The following FAM171A1 variants were observed in gnomAD, a reference collection of about 807,000 sequenced individuals.
FAM171A1 encodes the protein family with sequence similarity 171 member A1.
In FAM171A1, 23 loss-of-function variants were observed where a neutral mutation model predicts 74.9. That is an observed-to-expected ratio of 0.31 (90% CI 0.22 to 0.44). The LOEUF (loss-of-function observed/expected upper bound fraction) is 0.44. Ranked by LOEUF, FAM171A1 falls within the 20% of genes least tolerant of loss-of-function variation. FAM171A1 has a pLI of 1.00. For missense variants in FAM171A1, 1,162 were observed against 1,159.2 expected (o/e 1.00, Z -0.03); for synonymous variants, 527 against 505.7 (o/e 1.04, Z -0.57).
rs149493802 is a variant in FAM171A1, at chr10:15,332,400, T to C, written c.97+38556A>G. On this transcript the variant is annotated intron_variant, in intron 1 of 7. Transcript: ENST00000378116. ...TTGAGAAATGCCCAATGGTTCTGTT[T>C]TATTTTTTTAAGCCAGTGACTTTCT... Among the ~76,000 whole-genome samples, 561 of 152,314 alleles carry C rather than the reference T, an allele frequency of 3.7e-3. 1 individual carries two copies. Among genetic ancestry groups the C allele is most frequent in the African/African-American group, 0.013 (536 of 41,552 alleles).
At chr10:15,277,425 T>C (rs1301333014) in intron 2 of FAM171A1, among the ~76,000 whole-genome samples, 1 of 152,214 alleles carries the variant, frequency 6.6e-6, no homozygotes, top group African/African-American at 2.4e-5. Flanking sequence ...GGTTTCACCA[T>C]GTTGGCCAGG....
intron 5 of FAM171A1, among the ~76,000 whole-genome samples, chr10:15,235,139 G>A (rs549641870): frequency 2.0e-5 from 3 of 151,872 alleles, no homozygotes; most frequent in Non-Finnish European, 4.4e-5. Flanking sequence ...GCCAAACCTC[G>A]TCTCTACTAA....
At chr10:15,278,178 C>T (rs1328802441) in intron 2 of FAM171A1, among the ~76,000 whole-genome samples, 3 of 151,634 alleles carry the variant, frequency 2.0e-5, no homozygotes, top group Admixed American at 6.6e-5. Flanking sequence ...CTCAGATCTA[C>T]ACCCTGGGTG....
Position 15,212,580 on chromosome 10 carries a change from CGAGG to C in FAM171A1, c.*331_*334del, listed in dbSNP as rs1833903561. On this transcript the variant is annotated 3_prime_UTR_variant, in exon 8 of 8. Coordinates refer to ENST00000378116, the MANE Select transcript of FAM171A1 (RefSeq NM_001010924.2). ...AAAAGTTTCATCTGTTCCCAGAATC[CGAGG>C]GAGAACTGAGGTGATCGTTAGAGCA... 6.8e-6 allele frequency: 2 copies of C among 293,522 alleles called. No individual in the cohort carries two copies. The highest frequency in any genetic ancestry group is 1.1e-4 in the South Asian group (2 of 18,918). 18.2% of individuals were successfully genotyped at this position (293,522 alleles called of 1,614,324 possible).
chr10:15,311,971 T>G (rs1835364796), intron 1 of FAM171A1, among the ~76,000 whole-genome samples: 1 of 152,192 alleles, frequency 6.6e-6, no homozygotes, highest in Non-Finnish European at 1.5e-5. Context: ...TATTTACTGT[T>G]ACAGTGAGGT....
chr10:15,322,976 C>T (rs1390053952), intron 1 of FAM171A1, among the ~76,000 whole-genome samples: 2 of 151,678 alleles, frequency 1.3e-5, no homozygotes, highest in Non-Finnish European at 2.9e-5. Context: ...CCTGTCTCTA[C>T]TAAATATACA....
chr10:15,355,831 C>T (rs1221105433), intron 1 of FAM171A1, among the ~76,000 whole-genome samples: 2 of 152,090 alleles, frequency 1.3e-5, no homozygotes, highest in Non-Finnish European at 2.9e-5. Flanking sequence ...ACTCCAAAAG[C>T]GTTTTTACTT....
chr10:15,363,872 C>A (rs181785288), intron 1 of FAM171A1, among the ~76,000 whole-genome samples: 26 of 152,302 alleles, frequency 1.7e-4, no homozygotes, highest in African/African-American at 5.3e-4. Context: ...CAAGGCTTGT[C>A]GAGGTGTTTC....
intron 3 of FAM171A1, among the ~76,000 whole-genome samples, chr10:15,263,771 C>CTATCTATCTATT (rs1834696552): frequency 6.6e-6 from 1 of 151,802 alleles, no homozygotes; most frequent in Non-Finnish European, 1.5e-5. Flanking sequence ...ATCTATCTAT[C>CTATCTATCTATT]TATCTATCTA....
At position 15,248,824 on chromosome 10, in the gene FAM171A1, A is replaced by C. The variant is rs962681091; in HGVS notation, c.578-9T>G. ...ATGCCTGGTGCTGTTTCCTAGAAGG[A>C]AGAGGCATTTTCCATCATTTGCATG... On this transcript the variant is annotated splice_polypyrimidine_tract_variant and intron_variant, in intron 4 of 7. Coordinates refer to ENST00000378116, the MANE Select transcript of FAM171A1 (RefSeq NM_001010924.2). 3 of 1,596,236 alleles carry C rather than the reference A, an allele frequency of 1.9e-6. No homozygotes were observed. The African/African-American group carries it at 4.0e-5, about 21-fold the overall frequency.
chr10:15,308,834 T>C (rs979539366), intron 1 of FAM171A1, among the ~76,000 whole-genome samples: 2 of 151,972 alleles, frequency 1.3e-5, no homozygotes, highest in Non-Finnish European at 2.9e-5. Flanking sequence ...CCCAACTAAT[T>C]TTTGCATTTT....
chr10:15,338,537 A>G (rs1388630466), intron 1 of FAM171A1, among the ~76,000 whole-genome samples: 3 of 152,198 alleles, frequency 2.0e-5, no homozygotes, highest in Non-Finnish European at 2.9e-5. Flanking sequence ...TTTTATATCA[A>G]TTTTACCTGA....
At chr10:15,260,578 T>C (rs1456229395) in intron 3 of FAM171A1, among the ~76,000 whole-genome samples, 2 of 152,214 alleles carry the variant, frequency 1.3e-5, no homozygotes, top group East Asian at 3.8e-4. Context: ...CTGAAGCTCC[T>C]TAAACCAGGC....
intron 1 of FAM171A1, among the ~76,000 whole-genome samples, chr10:15,320,334 C>A (rs949360777): frequency 1.3e-5 from 2 of 152,204 alleles, no homozygotes; most frequent in Non-Finnish European, 2.9e-5. Flanking sequence ...TATTCCATGG[C>A]ATATATGTAC....
At chr10:15,316,118 T>C (rs145321319) in intron 1 of FAM171A1, among the ~76,000 whole-genome samples, 10 of 152,348 alleles carry the variant, frequency 6.6e-5, no homozygotes, top group African/African-American at 2.4e-4. Context: ...TACCCTTTCA[T>C]CTTACAGATA....
intron 6 of FAM171A1, 84 bp downstream of exon 6, chr10:15,220,860 T>C (rs1027922158): frequency 2.1e-6 from 2 of 970,720 alleles, no homozygotes; most frequent in African/African-American, 3.3e-5. Flanking sequence ...CCTGCTGAAG[T>C]TATTTTCAAG....
chr10:15,261,677 TGA>T (rs1318123279), intron 3 of FAM171A1, among the ~76,000 whole-genome samples: 1 of 152,092 alleles, frequency 6.6e-6, no homozygotes, highest in Non-Finnish European at 1.5e-5. Context: ...TCTTGAAGGT[TGA>T]GAGGCAGAGG....
At chr10:15,248,323 C>T (rs1419298803) in intron 5 of FAM171A1, among the ~76,000 whole-genome samples, 2 of 151,964 alleles carry the variant, frequency 1.3e-5, no homozygotes, top group Admixed American at 6.6e-5. Context: ...ACCATATGAC[C>T]TTCTGATGAA....
chr10:15,257,897 T>C (rs1046894573), intron 3 of FAM171A1, among the ~76,000 whole-genome samples: 8 of 152,056 alleles, frequency 5.3e-5, no homozygotes, highest in African/African-American at 1.7e-4. Flanking sequence ...AGCCGCTAAA[T>C]AGTTCCACAC....
Sources: gnomAD v4.1 joint callset for allele counts (sites outside exome capture counted in the v4.1 genomes callset) on GRCh38, gnomAD v4.1.1 for gene constraint, MANE v1.5 for transcripts, NCBI Gene and HGNC (gene_info 2026-07-23, HGNC 2026-07-21) for gene names.